LRMDA: variants seen among roughly 807,000 people sequenced by gnomAD.
LRMDA encodes the protein leucine rich melanocyte differentiation associated.
LRMDA carries 18 observed loss-of-function variants against 29.8 expected under a neutral mutation model. The ratio of observed to expected loss-of-function variants is 0.60; its 90% CI spans 0.42 to 0.90. The LOEUF (loss-of-function observed/expected upper bound fraction) is 0.90. LRMDA is among the 40% of genes least tolerant of loss of function. The pLI is 0.00. For synonymous variants in LRMDA, 125 were observed against 109.4 expected (o/e 1.14, Z -0.89); for missense variants, 273 against 273.9 (o/e 1.00, Z 0.02).
At chr10:75,866,201 A>C (rs1200142718) in intron 2 of LRMDA, among the ~76,000 whole-genome samples, 1 of 152,188 alleles carries the variant, frequency 6.6e-6, no homozygotes, top group Non-Finnish European at 1.5e-5. Flanking sequence ...GAAAGGCTAG[A>C]GAGGGAGATT....
intron 2 of LRMDA, among the ~76,000 whole-genome samples, chr10:75,706,609 GT>G: frequency 6.6e-6 from 1 of 152,194 alleles, no homozygotes. Context: ...ACTGGATGTG[GT>G]GAGCAATGAA....
intron 5 of LRMDA, among the ~76,000 whole-genome samples, chr10:76,222,411 A>T (rs1851860262): frequency 6.6e-6 from 1 of 152,228 alleles, no homozygotes; most frequent in Non-Finnish European, 1.5e-5. Context: ...ATGAACTCCA[A>T]CAAATTTACA....
Position 75,726,022 on chromosome 10 carries a change from G to C in LRMDA, c.131+287528G>C, listed in dbSNP as rs186989660. Among the ~76,000 whole-genome samples the C allele has an allele frequency of 2.6e-5, 4 of 152,302 alleles. No homozygotes were observed. The South Asian group carries it at 8.3e-4, about 32-fold the overall frequency. ...TGTGGCTCTTATCTCCAAGGGGACC[G>C]TGAAGAGAGTGTAAGTAGTTTAGTG... On this transcript the variant is annotated intron_variant, in intron 2 of 6. Coordinates refer to ENST00000611255, the MANE Select transcript of LRMDA (RefSeq NM_001305581.2).
intron 5 of LRMDA, among the ~76,000 whole-genome samples, chr10:76,083,615 G>A (rs184112003): frequency 2.2e-4 from 34 of 152,276 alleles, no homozygotes; most frequent in African/African-American, 6.5e-4. Context: ...GATCACCTGA[G>A]ATCAGGAGTT....
chr10:76,419,658 G>A (rs1842053226), intron 6 of LRMDA, among the ~76,000 whole-genome samples: 1 of 152,040 alleles, frequency 6.6e-6, no homozygotes, highest in Non-Finnish European at 1.5e-5. Flanking sequence ...CATAATGGCT[G>A]TACCATTTTG....
At chr10:76,288,269 A>G (rs1474985663) in intron 5 of LRMDA, among the ~76,000 whole-genome samples, 2 of 152,288 alleles carry the variant, frequency 1.3e-5, no homozygotes, top group African/African-American at 4.8e-5. Context: ...ATTTGACCCA[A>G]CAATCCCATT....
At chr10:76,181,235 A>T (rs1226961224) in intron 5 of LRMDA, among the ~76,000 whole-genome samples, 1 of 152,102 alleles carries the variant, frequency 6.6e-6, no homozygotes, top group Non-Finnish European at 1.5e-5. Context: ...CAGGCTGATG[A>T]TGTGTAACCC....
intron 6 of LRMDA, among the ~76,000 whole-genome samples, chr10:76,347,684 C>A (rs1213625373): frequency 1.3e-5 from 2 of 152,000 alleles, no homozygotes; most frequent in East Asian, 1.9e-4. Context: ...GTTATAAAAC[C>A]CAAGGAACCT....
chr10:76,513,763 C>G (rs150929934), intron 6 of LRMDA, among the ~76,000 whole-genome samples: 7 of 152,162 alleles, frequency 4.6e-5, no homozygotes, highest in Non-Finnish European at 1.0e-4. Context: ...GCCATGGATA[C>G]TCTTTCCCTT....
intron 5 of LRMDA, among the ~76,000 whole-genome samples, chr10:76,295,434 T>G (rs534013629): frequency 6.6e-6 from 1 of 152,346 alleles, no homozygotes; most frequent in South Asian, 2.1e-4. Context: ...TTTCAGTCAT[T>G]TCCTTGTTTG....
chr10:75,605,233 CTTCT>C (rs1840941391), intron 2 of LRMDA, among the ~76,000 whole-genome samples: 1 of 152,184 alleles, frequency 6.6e-6, no homozygotes, highest in Admixed American at 6.5e-5. Flanking sequence ...TTATGAGTGG[CTTCT>C]TTATGAGAGT....
intron 2 of LRMDA, among the ~76,000 whole-genome samples, chr10:75,636,878 A>G (rs924575287): frequency 2.6e-5 from 4 of 152,082 alleles, no homozygotes; most frequent in African/African-American, 9.7e-5. Context: ...TTGGGTATCC[A>G]TCACACATCT....
chr10:76,456,424 T>G (rs1842457403), intron 6 of LRMDA, among the ~76,000 whole-genome samples: 1 of 152,082 alleles, frequency 6.6e-6, no homozygotes, highest in African/African-American at 2.4e-5. Flanking sequence ...CAAAAGCAAT[T>G]GCAGAGGACC....
chr10:76,168,957 G>A lies in LRMDA; in HGVS notation c.516+110174G>A, dbSNP rs537879166. On this transcript the variant is annotated intron_variant, in intron 5 of 6. Transcript: ENST00000611255. ...AAGTGAAGTTAGAAAGGTATCCACT[G>A]TATAGGTACTTTACAAATTGTGGGT... is the stretch of plus-strand genomic sequence containing the variant. 3.3e-5 allele frequency among the ~76,000 whole-genome samples: 5 copies of A among 152,294 alleles called. No individual in the cohort carries two copies. The East Asian group carries it at 9.7e-4, about 29-fold the overall frequency.
chr10:76,269,780 T>G (rs866471478), intron 5 of LRMDA, among the ~76,000 whole-genome samples: 17 of 152,282 alleles, frequency 1.1e-4, no homozygotes, highest in African/African-American at 2.6e-4. Context: ...CCCCATGAGA[T>G]TGAGCCTTTT....
At chr10:76,302,140 C>T (rs569100393) in intron 5 of LRMDA, among the ~76,000 whole-genome samples, 31 of 152,196 alleles carry the variant, frequency 2.0e-4, no homozygotes, top group Non-Finnish European at 3.8e-4. Flanking sequence ...CCCTCAGGTG[C>T]TCATGGAACA....
In LRMDA at chr10:75,899,449, A is replaced by G. The variant is rs187966685; in HGVS notation, c.132-136559A>G. ...ACTCACATTCTTCAGATGCGCTAGC[A>G]TAGGAAAGTTTTCCTGTAGTTTGTC... On this transcript the variant is annotated intron_variant, in intron 2 of 6. Transcript: ENST00000611255. 3.3e-5 allele frequency among the ~76,000 whole-genome samples: 5 copies of G among 152,360 alleles called. No individual in the cohort carries two copies. The East Asian group carries it at 7.7e-4, about 24-fold the overall frequency.
chr10:75,997,653 C>A (rs1589281864), intron 2 of LRMDA, among the ~76,000 whole-genome samples: 2 of 152,252 alleles, frequency 1.3e-5, no homozygotes, highest in South Asian at 4.1e-4. Context: ...ACTTACTTGC[C>A]TCAGGGTGCA....
intron 5 of LRMDA, among the ~76,000 whole-genome samples, chr10:76,075,170 A>G (rs564175270): frequency 3.9e-5 from 6 of 152,332 alleles, no homozygotes; most frequent in East Asian, 3.9e-4. Flanking sequence ...CTCAAAACTC[A>G]TATGTTGATG....
Sources: gnomAD v4.1 joint callset for allele counts (sites outside exome capture counted in the v4.1 genomes callset) on GRCh38, gnomAD v4.1.1 for gene constraint, MANE v1.5 for transcripts, NCBI Gene and HGNC (gene_info 2026-07-23, HGNC 2026-07-21) for gene names.